SCN9A: variants seen among roughly 807,000 people sequenced by gnomAD.
SCN9A encodes the protein sodium voltage-gated channel alpha subunit 9.
SCN9A carries 131 observed loss-of-function variants against 187.0 expected under a neutral mutation model. The ratio of observed to expected loss-of-function variants is 0.70; its 90% confidence interval spans 0.61 to 0.81. The LOEUF is 0.81. SCN9A is among the 30% of genes least tolerant of loss of function. The pLI is 0.00. For synonymous variants in SCN9A, 809 were observed against 808.6 expected (o/e 1.00, Z -0.01); for missense variants, 2,252 against 2,396.6 (o/e 0.94, Z 1.26).
intron 12 of SCN9A, among the ~76,000 whole-genome samples, chr2:166,282,244 T>C (rs572523744): frequency 6.6e-6 from 1 of 152,264 alleles, no homozygotes; most frequent in Middle Eastern, 3.4e-3. Context: ...CTCTGATAAA[T>C]TTCTGGAATT....
At chr2:166,341,166 T>C (rs1204609566) in intron 1 of SCN9A, among the ~76,000 whole-genome samples, 1 of 152,192 alleles carries the variant, frequency 6.6e-6, no homozygotes, top group Non-Finnish European at 1.5e-5. Context: ...ATCATGTATG[T>C]AATAGAGTGA....
At chr2:166,280,234 G>A (rs1248133343) in intron 14 of SCN9A, 123 bp downstream of exon 14, 1 of 629,432 alleles carries the variant, frequency 1.6e-6, no homozygotes, top group Admixed American at 3.0e-5. Flanking sequence ...CCATTCATAT[G>A]GAAAGTTCTG....
intron 13 of SCN9A, among the ~76,000 whole-genome samples, chr2:166,281,428 T>C (rs1485889686): frequency 6.6e-6 from 1 of 152,210 alleles, no homozygotes; most frequent in Non-Finnish European, 1.5e-5. Flanking sequence ...TTTGTGGGTT[T>C]TCTTTTTTTC....
chr2:166,204,858 A>G (rs1304680350), intron 24 of SCN9A: 1 of 153,372 alleles, frequency 6.5e-6, no homozygotes, highest in Non-Finnish European at 1.4e-5. Context: ...GCAAATATTT[A>G]GAACTTTTAT....
intron 24 of SCN9A, among the ~76,000 whole-genome samples, chr2:166,213,595 C>A (rs1694192578): frequency 6.6e-6 from 1 of 151,880 alleles, no homozygotes; most frequent in Non-Finnish European, 1.5e-5. Context: ...ATTAATTCTT[C>A]TCAAACTCTC....
intron 17 of SCN9A, among the ~76,000 whole-genome samples, chr2:166,269,547 A>T (rs1296263786): frequency 1.3e-5 from 2 of 152,096 alleles, no homozygotes; most frequent in African/African-American, 4.8e-5. Flanking sequence ...GTATAACTCT[A>T]TAACTCTAGA....
intron 17 of SCN9A, among the ~76,000 whole-genome samples, chr2:166,266,059 T>A (rs1410742943): frequency 6.6e-6 from 1 of 152,046 alleles, no homozygotes; most frequent in Non-Finnish European, 1.5e-5. Flanking sequence ...AGAAGCTTTT[T>A]AGTTTAATAT....
intron 24 of SCN9A, among the ~76,000 whole-genome samples, chr2:166,221,005 C>T (rs1225000438): frequency 1.3e-5 from 2 of 152,190 alleles, no homozygotes; most frequent in African/African-American, 4.8e-5. Flanking sequence ...ACCTGCGTTT[C>T]TATACACTAA....
intron 1 of SCN9A, among the ~76,000 whole-genome samples, chr2:166,330,870 A>AGGAT (rs1270575787): frequency 6.6e-6 from 1 of 152,110 alleles, no homozygotes; most frequent in Non-Finnish European, 1.5e-5. Context: ...CCTGGTTCCT[A>AGGAT]ACAGGCCATG....
At chr2:166,373,911 A>G (rs1700623999) in intron 1 of SCN9A, among the ~76,000 whole-genome samples, 1 of 152,204 alleles carries the variant, frequency 6.6e-6, no homozygotes, top group African/African-American at 2.4e-5. Context: ...AAAATGAAAA[A>G]TTCTACTTTT....
intron 8 of SCN9A, 59 bp from the exon 9 acceptor site, chr2:166,293,431 C>T: frequency 7.0e-7 from 1 of 1,431,942 alleles, no homozygotes; most frequent in Non-Finnish European, 9.3e-7. Context: ...GCTAAATAGC[C>T]TTACTGAAAA....
At chr2:166,239,028 C>G (rs977351865) in intron 19 of SCN9A, among the ~76,000 whole-genome samples, 4 of 152,148 alleles carry the variant, frequency 2.6e-5, no homozygotes, top group African/African-American at 9.7e-5. Flanking sequence ...CACTCATTTA[C>G]TCCTATTTTG....
intron 17 of SCN9A, among the ~76,000 whole-genome samples, chr2:166,264,078 G>C (rs1044491574): frequency 1.3e-5 from 2 of 151,928 alleles, no homozygotes; most frequent in Non-Finnish European, 2.9e-5. Context: ...TATATATCTA[G>C]ACCCTGAGCC....
intron 1 of SCN9A, among the ~76,000 whole-genome samples, chr2:166,324,815 G>A (rs1699325886): frequency 6.6e-6 from 1 of 152,040 alleles, no homozygotes; most frequent in African/African-American, 2.4e-5. Context: ...CAAAAACAAG[G>A]AAAGCCTGAG....
chr2:166,350,142 C>T (rs1477262592), intron 1 of SCN9A, among the ~76,000 whole-genome samples: 2 of 152,134 alleles, frequency 1.3e-5, no homozygotes, highest in Non-Finnish European at 2.9e-5. Context: ...AAAATGACTG[C>T]TTTCAACTAT....
In SCN9A at chr2:166,198,558, G is replaced by T. The variant is rs531951519; in HGVS notation, c.*114C>A. 10 of 793,478 alleles carry T rather than the reference G, an allele frequency of 1.3e-5. No homozygotes were observed. Among genetic ancestry groups the T allele is most frequent in the Non-Finnish European group, 2.0e-5 (10 of 512,198 alleles). 49.2% of individuals were successfully genotyped at this position (793,478 alleles called of 1,614,324 possible). A position where few individuals can be genotyped will look rare whatever the true frequency, so the allele number is the denominator to read the frequency against. On this transcript the variant is annotated 3_prime_UTR_variant, in exon 27 of 27. Transcript: ENST00000642356. The stretch of plus-strand genomic sequence containing the variant: ...GGAAATCAGAGTTAGTGACTGCACT[G>T]CCTTCGAGAATATTTTGATAAAAAG...
chr2:166,251,835 C>T lies in SCN9A; in HGVS notation c.3402G>A (p.Leu1134=). ...CCTCTGCTTCTTCTCCTTCTCCAGG[C>T]AAAGGGTTATCAACTGTGCTGCACT... ...SSECSTVDNP[L]PGEGEEAEAE... Residue 1134 remains leucine, a synonymous_variant, in exon 18 of 27, where the codon TTG becomes TTA. Coordinates refer to ENST00000642356, the MANE Select transcript of SCN9A (RefSeq NM_001365536.1). 1 of 1,612,628 alleles carries T rather than the reference C, an allele frequency of 6.2e-7. No homozygotes were observed. Among genetic ancestry groups the T allele is most frequent in the South Asian group, 1.1e-5 (1 of 91,044 alleles).
chr2:166,269,547 A>G (rs1296263786), intron 17 of SCN9A, among the ~76,000 whole-genome samples: 1 of 152,096 alleles, frequency 6.6e-6, no homozygotes, highest in Admixed American at 6.6e-5. Context: ...GTATAACTCT[A>G]TAACTCTAGA....
At chr2:166,359,200 G>T (rs1456544910) in intron 1 of SCN9A, among the ~76,000 whole-genome samples, 2 of 152,016 alleles carry the variant, frequency 1.3e-5, no homozygotes, top group Non-Finnish European at 2.9e-5. Flanking sequence ...TCTTTTATGT[G>T]TGTACAATTT....
Sources: gnomAD v4.1 joint callset for allele counts (sites outside exome capture counted in the v4.1 genomes callset) on GRCh38, gnomAD v4.1.1 for gene constraint, MANE v1.5 for transcripts, NCBI Gene and HGNC (gene_info 2026-07-23, HGNC 2026-07-21) for gene names.